TBC1D22A: variants seen among roughly 807,000 people sequenced by gnomAD.
TBC1D22A encodes the protein putative GTPase activator.
Under a neutral mutation model 60.2 loss-of-function variants are expected in TBC1D22A, and 38 were observed. That is an observed-to-expected ratio of 0.63 (90% CI 0.49 to 0.83). TBC1D22A has a LOEUF of 0.83. Ranked by LOEUF, TBC1D22A falls within the 40% of genes least tolerant of loss-of-function variation. The probability of loss-of-function intolerance (pLI) is 0.00; values close to 1 mark genes in which losing one functional copy is unlikely to be tolerated. For synonymous variants in TBC1D22A, 302 were observed against 281.7 expected (o/e 1.07, Z -0.72); for missense variants, 628 against 701.0 (o/e 0.90, Z 1.18).
intron 4 of TBC1D22A, among the ~76,000 whole-genome samples, chr22:46,853,392 G>A (rs2087391114): frequency 6.6e-6 from 1 of 152,212 alleles, no homozygotes; most frequent in Non-Finnish European, 1.5e-5. Flanking sequence ...GGAAGGATGG[G>A]CGCAGGAAAT....
chr22:46,922,554 C>T (rs1321398452), intron 8 of TBC1D22A, among the ~76,000 whole-genome samples: 1 of 152,178 alleles, frequency 6.6e-6, no homozygotes, highest in Non-Finnish European at 1.5e-5. Flanking sequence ...GTGATTCTTC[C>T]TATCCATGAG....
intron 4 of TBC1D22A, among the ~76,000 whole-genome samples, chr22:46,864,689 C>T (rs532787276): frequency 6.6e-5 from 10 of 152,294 alleles, no homozygotes; most frequent in Admixed American, 2.0e-4. Context: ...ATTTTGAAAG[C>T]CTGAGGGTGA....
At chr22:46,823,967 C>T (rs566768664) in intron 4 of TBC1D22A, among the ~76,000 whole-genome samples, 11 of 152,308 alleles carry the variant, frequency 7.2e-5, no homozygotes, top group African/African-American at 2.6e-4. Flanking sequence ...GGCGACAGTG[C>T]CAGCCCGGGT....
chr22:46,897,635 G>GTTTTTTTTTTTTTTTTTTTTTTTTT (rs1602366020), intron 7 of TBC1D22A, among the ~76,000 whole-genome samples: 1 of 125,488 alleles, frequency 8.0e-6, no homozygotes, highest in African/African-American at 3.6e-5. Flanking sequence ...GTTTTGTTTC[G>GTTTTTTTTTTTTTTTTTTTTTTTTT]TTTTGTTTTT....
At chr22:46,843,260 C>T (rs954907202) in intron 4 of TBC1D22A, among the ~76,000 whole-genome samples, 1 of 152,090 alleles carries the variant, frequency 6.6e-6, no homozygotes, top group Non-Finnish European at 1.5e-5. Context: ...TACAGTAATA[C>T]AAACCACCAC....
intron 10 of TBC1D22A, among the ~76,000 whole-genome samples, chr22:47,011,482 A>G (rs1010421416): frequency 3.9e-5 from 6 of 152,156 alleles, no homozygotes; most frequent in Non-Finnish European, 8.8e-5. Flanking sequence ...CCACATGCCT[A>G]CATTTTCATC....
intron 11 of TBC1D22A, among the ~76,000 whole-genome samples, chr22:47,052,222 T>C (rs1465303024): frequency 6.6e-6 from 1 of 152,234 alleles, no homozygotes; most frequent in Non-Finnish European, 1.5e-5. Context: ...TGCTTTCATT[T>C]TGAATACTTG....
intron 11 of TBC1D22A, among the ~76,000 whole-genome samples, chr22:47,054,597 G>A (rs536938369): frequency 1.3e-5 from 2 of 152,318 alleles, no homozygotes; most frequent in Admixed American, 6.5e-5. Context: ...TTCCAGCCAC[G>A]CGGCTCCTCT....
intron 4 of TBC1D22A, among the ~76,000 whole-genome samples, chr22:46,874,535 CAT>C (rs1349996584): frequency 2.0e-5 from 2 of 100,448 alleles, no homozygotes; most frequent in South Asian, 8.1e-4. Flanking sequence ...AGCTTTTTTT[CAT>C]ATGTTTGTTT....
intron 1 of TBC1D22A, among the ~76,000 whole-genome samples, chr22:46,791,384 A>G (rs1373793069): frequency 6.6e-6 from 1 of 152,196 alleles, no homozygotes; most frequent in African/African-American, 2.4e-5. Context: ...CAAAGCTGTC[A>G]CAGCCCCATG....
chr22:46,856,337 G>A (rs1425007176), intron 4 of TBC1D22A, among the ~76,000 whole-genome samples: 1 of 152,196 alleles, frequency 6.6e-6, no homozygotes, highest in Admixed American at 6.5e-5. Flanking sequence ...CTGCTGCCAG[G>A]TACTGTTACC....
chr22:46,969,879 A>G (rs73186535), intron 8 of TBC1D22A, among the ~76,000 whole-genome samples: 5,358 of 152,320 alleles, frequency 0.035, 130 homozygotes, highest in African/African-American at 0.06. Flanking sequence ...GTTTATAATT[A>G]AATGAGAAAA....
Position 46,793,694 on chromosome 22 carries a change from C to A in TBC1D22A, c.313C>A (p.His105Asn). The change falls in exon 3 of 13, where the codon CAC (histidine) becomes AAC (asparagine). Residue 105 changes from histidine (H) to asparagine (N), a missense_variant. Coordinates refer to ENST00000337137, the MANE Select transcript of TBC1D22A (RefSeq NM_014346.5). ...GACGGCCAACCGTGTGCTGCGTAAC[C>A]ACAGCCAGCGGCAGGGGCGGCCCAC... is the stretch of plus-strand genomic sequence containing the variant. Reference protein sequence around the residue: ...METANRVLRNHSQRQGRPTLQ... With the variant: ...METANRVLRNNSQRQGRPTLQ... 1 of 1,612,716 alleles carries A rather than the reference C, an allele frequency of 6.2e-7. No homozygotes were observed. The highest frequency in any genetic ancestry group is 1.3e-5 in the African/African-American group (1 of 75,040).
chr22:46,857,083 G>A (rs1005370962), intron 4 of TBC1D22A, among the ~76,000 whole-genome samples: 5 of 152,278 alleles, frequency 3.3e-5, no homozygotes, highest in East Asian at 1.9e-4. Context: ...AAGGGGTGCC[G>A]TGGTCATCAT....
In TBC1D22A at chr22:46,904,165, A is replaced by G. The variant is rs866583857; in HGVS notation, c.901-7909A>G. Among the ~76,000 whole-genome samples the G allele has an allele frequency of 3.6e-3, 519 of 144,808 alleles. 3 individuals are homozygous for G. The highest frequency in any genetic ancestry group is 0.013 in the African/African-American group (499 of 39,458). The allele number at this position is 144,808 out of a possible 152,430, so 95.0% of individuals were successfully genotyped here. A position where few individuals can be genotyped will look rare whatever the true frequency, so the allele number is the denominator to read the frequency against. On this transcript the variant is annotated intron_variant, in intron 7 of 12. Transcript: ENST00000337137. Reference sequence around the variant, plus strand: ...TATCTACCTACCTACCTACCTACCTACCTACCTACCAGTCTGAGAGCAAAA... The same window carrying G: ...TATCTACCTACCTACCTACCTACCTGCCTACCTACCAGTCTGAGAGCAAAA...
chr22:46,899,575 C>T (rs184594781), intron 7 of TBC1D22A, among the ~76,000 whole-genome samples: 7 of 152,204 alleles, frequency 4.6e-5, no homozygotes, highest in African/African-American at 1.7e-4. Flanking sequence ...AATGTGCCTT[C>T]ACAGGCCAGA....
intron 4 of TBC1D22A, among the ~76,000 whole-genome samples, chr22:46,822,229 C>G (rs1254524978): frequency 6.6e-6 from 1 of 152,096 alleles, no homozygotes; most frequent in Non-Finnish European, 1.5e-5. Context: ...TCTGCTGAAG[C>G]CTACTCCTGT....
intron 7 of TBC1D22A, among the ~76,000 whole-genome samples, chr22:46,902,108 T>C (rs957625545): frequency 6.6e-6 from 1 of 152,224 alleles, no homozygotes; most frequent in Non-Finnish European, 1.5e-5. Flanking sequence ...ACCGGGGTCC[T>C]TAGTAGGGGA....
At chr22:46,869,620 A>T (rs1253135376) in intron 4 of TBC1D22A, among the ~76,000 whole-genome samples, 2 of 152,196 alleles carry the variant, frequency 1.3e-5, no homozygotes. Context: ...TGGCTTTAGG[A>T]ACAGGACATA....
Sources: allele counts gnomAD v4.1 joint callset (sites outside exome capture counted in the v4.1 genomes callset), GRCh38; gene constraint gnomAD v4.1.1; transcripts MANE v1.5; gene names NCBI Gene and HGNC (gene_info 2026-07-23, HGNC 2026-07-21).